Variants in ZNF605 observed in about 807,000 individuals in gnomAD.
The protein encoded by ZNF605 is zinc finger protein 605.
In ZNF605, 9 loss-of-function variants were observed where a neutral mutation model predicts 7.9. That is an observed-to-expected ratio of 1.14 (90% CI 0.68 to 1.98). ZNF605 has a LOEUF of 1.98. ZNF605 is among the 30% of genes most tolerant of loss of function. The pLI is 0.00. For missense variants in ZNF605, 673 were observed against 762.4 expected (o/e 0.88, Z 1.38); for synonymous variants, 255 against 260.1 (o/e 0.98, Z 0.19).
intron 3 of ZNF605, among the ~76,000 whole-genome samples, chr12:132,934,412 AT>A (rs1952339960): frequency 6.6e-6 from 1 of 152,000 alleles, no homozygotes; most frequent in Admixed American, 6.6e-5. Flanking sequence ...AGCAATTAAG[AT>A]TCCAGGAACC....
At chr12:132,951,675 G>A (rs1952569656) in intron 1 of ZNF605, among the ~76,000 whole-genome samples, 1 of 126,996 alleles carries the variant, frequency 7.9e-6, no homozygotes, top group Non-Finnish European at 1.6e-5. Context: ...AACATACACA[G>A]ACATGCACAA....
intron 4 of ZNF605, among the ~76,000 whole-genome samples, chr12:132,932,430 A>T (rs923273500): frequency 6.6e-6 from 1 of 152,188 alleles, no homozygotes; most frequent in Non-Finnish European, 1.5e-5. Flanking sequence ...TCATAAAGAG[A>T]GCCTTAACTA....
chr12:132,942,182 T>G (rs1461333091), intron 3 of ZNF605, among the ~76,000 whole-genome samples: 2 of 152,176 alleles, frequency 1.3e-5, no homozygotes, highest in Non-Finnish European at 2.9e-5. Flanking sequence ...AAAACAAAAC[T>G]GGCATCTGGG....
At chr12:132,943,290 C>T (rs1294568137) in intron 3 of ZNF605, among the ~76,000 whole-genome samples, 2 of 150,568 alleles carry the variant, frequency 1.3e-5, no homozygotes, top group South Asian at 2.1e-4. Context: ...ACCCGGGAGG[C>T]GGAGCTTGCA....
chr12:132,939,679 A>T (rs988590271), intron 3 of ZNF605, among the ~76,000 whole-genome samples: 2 of 152,342 alleles, frequency 1.3e-5, no homozygotes, highest in South Asian at 4.1e-4. Context: ...GGAGAATAAA[A>T]GCAGGCTGCC....
intron 1 of ZNF605, among the ~76,000 whole-genome samples, chr12:132,951,240 G>C (rs1186708223): frequency 6.7e-6 from 1 of 148,802 alleles, no homozygotes; most frequent in Non-Finnish European, 1.5e-5. Flanking sequence ...CATACACTCA[G>C]ACACGTACAT....
chr12:132,950,324 A>T (rs1266906651), intron 1 of ZNF605, among the ~76,000 whole-genome samples: 1 of 152,058 alleles, frequency 6.6e-6, no homozygotes, highest in Admixed American at 6.6e-5. Context: ...CTGCTCTCAC[A>T]TTCACACCGA....
At chr12:132,940,497 T>A (rs993621391) in intron 3 of ZNF605, among the ~76,000 whole-genome samples, 6 of 152,158 alleles carry the variant, frequency 3.9e-5, no homozygotes, top group African/African-American at 1.4e-4. Flanking sequence ...TACAGGACTA[T>A]GATGTGGTCC....
rs1952249974 is a variant in ZNF605 at position 132,926,573 on chromosome 12, T to A, written c.726A>T (p.Leu242Phe). 1 of 1,614,070 alleles carries A rather than the reference T, an allele frequency of 6.2e-7. No individual in the cohort carries two copies. The highest frequency in any genetic ancestry group is 1.3e-5 in the African/African-American group (1 of 74,932). ...TCTCTCCAGTATGAATTCTCTGATG[T>A]AAAATGAGGAGTGACTTCCTACTAA... The part of the protein sequence containing the change: ...KAFSRKSLLI[L>F]HQRIHTGEKP... The change falls in exon 5 of 5, where the codon TTA (leucine) becomes TTT (phenylalanine). Residue 242 changes from leucine to phenylalanine, a missense_variant. Coordinates refer to ENST00000360187, the MANE Select transcript of ZNF605 (RefSeq NM_183238.4).
In ZNF605 at chr12:132,921,204, C is replaced by T. The variant is rs1952202832; in HGVS notation, c.*4169G>A. The T allele has an allele frequency of 6.6e-6, 1 of 152,098 alleles. No homozygotes were observed. The highest frequency in any genetic ancestry group is 1.5e-5 in the Non-Finnish European group (1 of 68,048). 9.4% of individuals were successfully genotyped at this position (152,098 alleles called of 1,614,324 possible). A position where few individuals can be genotyped will look rare whatever the true frequency, so the allele number is the denominator to read the frequency against. ...CCAGCTGGTCTCAAACGCCTGGGCT[C>T]AAGCGGTCCTCCCAATTTGGCCTCC... On this transcript the variant is annotated 3_prime_UTR_variant, in exon 5 of 5. Coordinates refer to ENST00000360187, the MANE Select transcript of ZNF605 (RefSeq NM_183238.4).
chr12:132,947,421 TC>T (rs1190622440), intron 2 of ZNF605, among the ~76,000 whole-genome samples: 2 of 151,956 alleles, frequency 1.3e-5, no homozygotes, highest in Non-Finnish European at 2.9e-5. Flanking sequence ...AGGTGAATTC[TC>T]CCACAACAGC....
intron 2 of ZNF605, among the ~76,000 whole-genome samples, chr12:132,946,902 A>T (rs1435945205): frequency 6.6e-6 from 1 of 152,206 alleles, no homozygotes; most frequent in Non-Finnish European, 1.5e-5. Flanking sequence ...TGACACCCCG[A>T]GGGGAATGTG....
chr12:132,953,167 ACT>A (rs1203386256), intron 1 of ZNF605, among the ~76,000 whole-genome samples: 4 of 150,934 alleles, frequency 2.7e-5, no homozygotes, highest in Non-Finnish European at 4.4e-5. Context: ...CATCAACCCC[ACT>A]CTCACTCACC....
At chr12:132,935,289 G>GA (rs1169715051) in intron 3 of ZNF605, among the ~76,000 whole-genome samples, 3 of 150,580 alleles carry the variant, frequency 2.0e-5, no homozygotes, top group African/African-American at 2.4e-5. Flanking sequence ...GTGGGTCAAT[G>GA]AAAAAAAAAT....
rs1952182157 is a variant in ZNF605 at position 132,919,213 on chromosome 12, T to C, written c.*6160A>G. 6.6e-6 allele frequency: 1 copy of C among 152,070 alleles called. No homozygotes were observed. Among genetic ancestry groups the C allele is most frequent in the African/African-American group, 2.4e-5 (1 of 41,396 alleles). 9.4% of individuals were successfully genotyped at this position (152,070 alleles called of 1,614,324 possible). On this transcript the variant is annotated 3_prime_UTR_variant, in exon 5 of 5. Coordinates refer to ENST00000360187, the MANE Select transcript of ZNF605 (RefSeq NM_183238.4). ...TTGTTTTTTTAAGTACTTTTAGTGA[T>C]AGGAATGCTTACTTGCTTTATTAAT...
rs747271771 is a variant in ZNF605, at chr12:132,925,425, G to A, written c.1874C>T (p.Thr625Ile). Residue 625 changes from threonine (T) to isoleucine (I), a missense_variant, in exon 5 of 5, where the codon ACC (threonine) becomes ATC (isoleucine). Coordinates refer to ENST00000360187, the MANE Select transcript of ZNF605 (RefSeq NM_183238.4). ...KYYGCNECGT[T>I]FNRKSQLMIH... is the part of the protein sequence containing the mutation. Reference sequence around the variant, plus strand: ...CATAAGCTGCGACTTCCTGTTGAAGGTGGTCCCACACTCATTGCATCCATA... The same window carrying A: ...CATAAGCTGCGACTTCCTGTTGAAGATGGTCCCACACTCATTGCATCCATA... The A allele has an allele frequency of 1.3e-5, 21 of 1,609,112 alleles. No individual in the cohort carries two copies. The South Asian group carries it at 2.3e-4, about 18-fold the overall frequency.
chr12:132,932,678 G>A, intron 4 of ZNF605: 1 of 1,357,410 alleles, frequency 7.4e-7, no homozygotes, highest in Non-Finnish European at 1.0e-6. Context: ...GAGATAAAAT[G>A]TTCACTGTAT....
rs889170598 is a variant in ZNF605 at position 132,954,237 on chromosome 12, C to T, written c.-286+2006G>A. Among the ~76,000 whole-genome samples the T allele has an allele frequency of 2.0e-4, 30 of 149,126 alleles. 1 individual carries two copies. The highest frequency in any genetic ancestry group is 2.5e-4 in the Non-Finnish European group (17 of 67,572). On this transcript the variant is annotated intron_variant, in intron 1 of 4. Transcript: ENST00000360187. The stretch of plus-strand genomic sequence containing the variant: ...TACAGATGCCAGACACCATAATCAC[C>T]AGCACCCCCAAAGCCCCACTTAAGA...
At chr12:132,946,701 G>A (rs1390594641) in intron 2 of ZNF605, among the ~76,000 whole-genome samples, 1 of 152,174 alleles carries the variant, frequency 6.6e-6, no homozygotes, top group East Asian at 1.9e-4. Context: ...GGAGTTGCGG[G>A]AGTGGCAACT....
Sources: allele counts gnomAD v4.1 joint callset (sites outside exome capture counted in the v4.1 genomes callset), GRCh38; gene constraint gnomAD v4.1.1; transcripts MANE v1.5; gene names NCBI Gene and HGNC (gene_info 2026-07-23, HGNC 2026-07-21).